The following MUC12 variants were observed in gnomAD, a reference collection of about 807,000 sequenced individuals.
MUC12 encodes the protein mucin-12.
A neutral mutation model predicts 230.8 loss-of-function variants in MUC12; 172 were observed. The observed-to-expected ratio is 0.75, with a 90% CI of 0.66 to 0.85. The LOEUF is 0.85. MUC12 is among the 40% of genes least tolerant of loss of function. The pLI is 0.00. For synonymous variants in MUC12, 1,259 were observed against 2,401.9 expected, an observed-to-expected ratio of 0.52 and a Z score of 13.91; for missense variants, 3,506 against 5,920.6, an observed-to-expected ratio of 0.59 and a Z score of 13.38.
rs535733415 is a variant in MUC12, at chr7:100,995,596, G to C, written c.5033G>C (p.Gly1678Ala). The change falls in exon 2 of 12, where the codon GGC (glycine) becomes GCC (alanine). Residue 1678 changes from glycine to alanine, a missense_variant. Transcript: ENST00000536621. ...GSPHTTLSPA[G>A]STTRQGESTT... ...CCACACACAACACTGTCCCCTGCCG[G>C]CTCTACAACACGTCAGGGAGAATCT... is the stretch of plus-strand genomic sequence containing the variant. 6 of 1,536,690 alleles carry C rather than the reference G, an allele frequency of 3.9e-6. No homozygotes were observed. Among genetic ancestry groups the C allele is most frequent in the Non-Finnish European group, 5.2e-6 (6 of 1,147,030 alleles).
intron 8 of MUC12, 40 bp downstream of exon 8, chr7:101,013,182 T>C: frequency 3.3e-6 from 5 of 1,533,958 alleles, no homozygotes; most frequent in Non-Finnish European, 4.4e-6. Context: ...TCTGTCCTGG[T>C]GATAGGGCCC....
chr7:100,971,178 A>ACAC (rs1554464540), intron 1 of MUC12, among the ~76,000 whole-genome samples: 2 of 129,424 alleles, frequency 1.5e-5, no homozygotes, highest in African/African-American at 5.9e-5. Flanking sequence ...AAAAAGAAAC[A>ACAC]AACAAAAAAA....
chr7:101,005,082 G>C lies in MUC12; in HGVS notation c.14519G>C (p.Ser4840Thr), dbSNP rs551861421. Residue 4840 changes from serine to threonine, a missense_variant, in exon 2 of 12, where the codon AGC (serine) becomes ACC (threonine). Ser to Thr is a moderately conservative substitution (Grantham distance 58). Coordinates refer to ENST00000536621, the MANE Select transcript of MUC12 (RefSeq NM_001164462.2). The part of the protein sequence containing the change: ...GSALSTVSPA[S>T]TTVPGLSEES... ...GCTCTGTCAACAGTGTCACCTGCCA[G>C]CACCACAGTGCCAGGCCTTAGTGAG... The C allele has an allele frequency of 1.3e-6, 2 of 1,537,788 alleles. No individual in the cohort carries two copies. Among genetic ancestry groups the C allele is most frequent in the African/African-American group, 2.7e-5 (2 of 73,036 alleles).
rs559764350 is a variant in MUC12 at position 100,990,907 on chromosome 7, C to T, written c.344C>T (p.Thr115Ile). 36 of 1,537,870 alleles carry T rather than the reference C, an allele frequency of 2.3e-5. No homozygotes were observed. The East Asian group carries it at 6.8e-4, about 29-fold the overall frequency. ...GGAGAACCTAAAACCTCACCCATCA[C>T]TTCAGCCTCAATGGAAACAACAGCG... Reference protein sequence around the residue: ...FVGEPKTSPITSASMETTALP... With the variant: ...FVGEPKTSPIISASMETTALP... Residue 115 changes from threonine to isoleucine, a missense_variant, in exon 2 of 12, where the codon ACT (threonine) becomes ATT (isoleucine). Thr to Ile is a moderately conservative substitution (Grantham distance 89, BLOSUM62 -1). Transcript: ENST00000536621.
intron 5 of MUC12, among the ~76,000 whole-genome samples, chr7:101,011,962 A>G (rs1171031674): frequency 1.3e-5 from 2 of 152,180 alleles, no homozygotes; most frequent in East Asian, 1.9e-4. Context: ...GAGGAGCTCC[A>G]TACTGTTTTC....
chr7:100,984,458 C>T (rs562573801), intron 1 of MUC12, among the ~76,000 whole-genome samples: 97 of 152,128 alleles, frequency 6.4e-4, no homozygotes, highest in African/African-American at 2.1e-3. Flanking sequence ...GGTTTCACCA[C>T]GTTGGCCAGG....
chr7:100,984,493 G>T (rs1347386292), intron 1 of MUC12, among the ~76,000 whole-genome samples: 1 of 152,134 alleles, frequency 6.6e-6, no homozygotes. Context: ...CTGACCTCAG[G>T]TGATCCTCCT....
rs918913721 is a variant in MUC12 at position 101,008,716 on chromosome 7, A to T, written c.15141A>T (p.Ala5047=). The T allele has an allele frequency of 6.5e-7, 1 of 1,537,288 alleles. No homozygotes were observed. ...ATTTCACAGAAAAGATGAATGACGC[A>T]TCCTCCCAGGAATACCAGAACTTCA... ...YRNFTEKMND[A]SSQEYQNFST... The change falls in exon 4 of 12, where the codon GCA becomes GCT. Residue 5047 remains alanine (A), a synonymous_variant. Transcript: ENST00000536621.
intron 9 of MUC12, among the ~76,000 whole-genome samples, chr7:101,014,619 A>G (rs983595612): frequency 3.3e-5 from 5 of 151,962 alleles, no homozygotes; most frequent in Non-Finnish European, 5.9e-5. Context: ...CTGGGATTAC[A>G]AGTGCATTCC....
At position 100,991,929 on chromosome 7, in the gene MUC12, T is replaced by G. The variant is rs138453123; in HGVS notation, c.1366T>G (p.Ser456Ala). The change falls in exon 2 of 12, where the codon TCT becomes GCT. Residue 456 changes from serine (S) to alanine (A), a missense_variant. Ser to Ala is a moderately conservative substitution (Grantham distance 99). Transcript: ENST00000536621. ...AMATTVLPAGSTPSVLVGDST... is the reference protein window; with the variant it reads ...AMATTVLPAGATPSVLVGDST... The stretch of plus-strand genomic sequence containing the variant: ...GGCAACAACAGTCTTACCTGCCGGC[T>G]CTACACCCTCAGTTCTTGTTGGAGA... The G allele has an allele frequency of 3.1e-5, 47 of 1,537,396 alleles. No homozygotes were observed. The African/African-American group carries it at 6.2e-4, about 20-fold the overall frequency.
At chr7:100,981,532 G>A in intron 1 of MUC12, 1 of 441,302 alleles carries the variant, frequency 2.3e-6, no homozygotes, top group Non-Finnish European at 4.0e-6. Flanking sequence ...GGAACTGAAT[G>A]TGAGATTTCA....
intron 1 of MUC12, among the ~76,000 whole-genome samples, chr7:100,977,514 C>T (rs1323760593): frequency 2.6e-5 from 4 of 151,930 alleles, no homozygotes; most frequent in South Asian, 2.1e-4. Flanking sequence ...TACAGGCACG[C>T]GCCACCACGC....
At position 101,017,651 on chromosome 7, in the gene MUC12, C is replaced by A; in HGVS notation, c.15954C>A (p.Asp5318Glu). Residue 5318 changes from aspartate to glutamate, a missense_variant, in exon 11 of 12, where the codon GAC becomes GAA. Transcript: ENST00000536621. ...NNFRPTLETV[D>E]SGTELHIQRP... is the part of the protein sequence containing the mutation. ...TCCGGCCCACCCTGGAGACTGTTGACTCTGGCACAGAGGTGACTCAGCTGC... is the reference window on the plus strand; with the variant it reads ...TCCGGCCCACCCTGGAGACTGTTGAATCTGGCACAGAGGTGACTCAGCTGC... 2 of 1,535,970 alleles carry A rather than the reference C, an allele frequency of 1.3e-6. No homozygotes were observed. The highest frequency in any genetic ancestry group is 1.7e-6 in the Non-Finnish European group (2 of 1,146,062).
chr7:100,985,406 A>T (rs1793172981), intron 1 of MUC12, among the ~76,000 whole-genome samples: 1 of 152,324 alleles, frequency 6.6e-6, no homozygotes, highest in South Asian at 2.1e-4. Flanking sequence ...AGGGAGGGTC[A>T]AAAATCTTAT....
intron 1 of MUC12, among the ~76,000 whole-genome samples, chr7:100,989,359 G>A (rs1054437702): frequency 4.6e-5 from 7 of 151,990 alleles, no homozygotes; most frequent in African/African-American, 1.7e-4. Flanking sequence ...CTGCCACCTC[G>A]GCATCCCAAA....
chr7:100,990,800 G>C lies in MUC12; in HGVS notation c.237G>C (p.Glu79Asp), dbSNP rs938106238. The change falls in exon 2 of 12, where the codon GAG becomes GAC. Residue 79 changes from glutamate to aspartate, a missense_variant. Coordinates refer to ENST00000536621, the MANE Select transcript of MUC12 (RefSeq NM_001164462.2). ...LDSSTNSGHSEESTVSHSGPG... is the reference protein window; with the variant it reads ...LDSSTNSGHSDESTVSHSGPG... ...GCTCCACAAACTCAGGCCACAGTGA[G>C]GAATCAACAGTATCCCACAGCGGCC... 39 of 1,537,628 alleles carry C rather than the reference G, an allele frequency of 2.5e-5. No individual in the cohort carries two copies. The highest frequency in any genetic ancestry group is 3.3e-5 in the Non-Finnish European group (38 of 1,147,030).
At chr7:101,007,222 G>A (rs1019934491) in intron 3 of MUC12, among the ~76,000 whole-genome samples, 1 of 152,204 alleles carries the variant, frequency 6.6e-6, no homozygotes, top group African/African-American at 2.4e-5. Context: ...GCCTCCCAAA[G>A]TGCTGGGATT....
chr7:100,983,297 G>C (rs1793138016), intron 1 of MUC12, among the ~76,000 whole-genome samples: 1 of 151,770 alleles, frequency 6.6e-6, no homozygotes, highest in Non-Finnish European at 1.5e-5. Flanking sequence ...GTGGGCACCT[G>C]TAATCCCAGC....
Position 100,991,085 on chromosome 7 carries a change from A to G in MUC12, c.522A>G (p.Pro174=). The G allele has an allele frequency of 6.5e-7, 1 of 1,537,634 alleles. No individual in the cohort carries two copies. Among genetic ancestry groups the G allele is most frequent in the Non-Finnish European group, 8.7e-7 (1 of 1,146,858 alleles). ...KSTTSHSRPG[P]THTIAFPDST... is the part of the protein sequence containing the mutation. ...CCACCTCCCACAGCCGACCAGGCCCAACGCACACAATAGCGTTCCCTGACA... is the reference window on the plus strand; with the variant it reads ...CCACCTCCCACAGCCGACCAGGCCCGACGCACACAATAGCGTTCCCTGACA... Residue 174 remains proline, a synonymous_variant, in exon 2 of 12, where the codon CCA becomes CCG. Coordinates refer to ENST00000536621, the MANE Select transcript of MUC12 (RefSeq NM_001164462.2).
Sources: allele counts gnomAD v4.1 joint callset (sites outside exome capture counted in the v4.1 genomes callset), GRCh38; gene constraint gnomAD v4.1.1; transcripts MANE v1.5; gene names NCBI Gene and HGNC (gene_info 2026-07-23, HGNC 2026-07-21).